The following VPS13C variants were observed in gnomAD, a reference collection of about 807,000 sequenced individuals.
The protein encoded by VPS13C is intermembrane lipid transfer protein VPS13C.
In VPS13C, 358 loss-of-function variants were observed where a neutral mutation model predicts 456.8. The ratio of observed to expected loss-of-function variants is 0.78; its 90% CI spans 0.72 to 0.86. The LOEUF (loss-of-function observed/expected upper bound fraction) is 0.86, where lower values mean the gene tolerates loss of function less well. VPS13C is among the 40% of genes least tolerant of loss of function. The pLI, the probability that VPS13C is intolerant of heterozygous loss-of-function variation, is 0.00. For missense variants in VPS13C, 4,818 were observed against 4,385.4 expected (o/e 1.10, Z -2.79); for synonymous variants, 1,578 against 1,486.7 (o/e 1.06, Z -1.41).
intron 53 of VPS13C, among the ~76,000 whole-genome samples, chr15:61,923,529 G>A (rs2043731775): frequency 6.6e-6 from 1 of 151,870 alleles, no homozygotes; most frequent in Admixed American, 6.6e-5. Context: ...TATCCCACAA[G>A]ATAAAATTGA....
At chr15:62,012,203 C>A in intron 11 of VPS13C, 39 bp from the exon 12 acceptor site, 2 of 1,119,236 alleles carry the variant, frequency 1.8e-6, no homozygotes, top group Non-Finnish European at 2.7e-6. Context: ...AAAGAAAATG[C>A]ACACATATTC....
intron 76 of VPS13C, among the ~76,000 whole-genome samples, chr15:61,875,382 G>A (rs1188557895): frequency 6.6e-6 from 1 of 151,928 alleles, no homozygotes. Context: ...TAAATGGAGG[G>A]GAATAGGTTA....
chr15:61,956,028 C>A (rs1449532561), intron 37 of VPS13C, among the ~76,000 whole-genome samples: 1 of 152,088 alleles, frequency 6.6e-6, no homozygotes, highest in Non-Finnish European at 1.5e-5. Context: ...ATGCCCTCAC[C>A]TATTCATCAC....
In VPS13C at chr15:61,877,043, T is replaced by C; in HGVS notation, c.10154A>G (p.Tyr3385Cys). Residue 3385 changes from tyrosine (Y) to cysteine (C), a missense_variant, in exon 75 of 85, where the codon TAT becomes TGT. Coordinates refer to ENST00000644861, the MANE Select transcript of VPS13C (RefSeq NM_020821.3). ...CTTGTAGAACTGATATCGAATTTCA[T>C]AATAAGCAAGTCTGGGAGGAGAAAA... ...VDDLIFKLAY[Y>C]EIRYQFYKRD... The C allele has an allele frequency of 6.2e-7, 1 of 1,606,888 alleles. No homozygotes were observed.
At chr15:62,045,986 GA>G (rs895079707) in intron 1 of VPS13C, among the ~76,000 whole-genome samples, 2 of 151,842 alleles carry the variant, frequency 1.3e-5, no homozygotes, top group African/African-American at 4.8e-5. Context: ...CACATACATA[GA>G]AAAAAATAAA....
At chr15:61,959,689 T>TA in intron 35 of VPS13C, 94 bp from the exon 36 acceptor site, 2 of 1,249,728 alleles carry the variant, frequency 1.6e-6, no homozygotes, top group South Asian at 3.1e-5. Flanking sequence ...TTTGCTGCTC[T>TA]AAATACTGAT....
rs532969922 is a variant in VPS13C at position 61,903,901 on chromosome 15, T to C, written c.9105+3363A>G. Among the ~76,000 whole-genome samples the C allele has an allele frequency of 2.6e-5, 4 of 152,228 alleles. No individual in the cohort carries two copies. In the East Asian group the frequency reaches 7.7e-4, roughly 29 times the overall value. ...GGAAAAAGACAGTGTCTTCAACAAA[T>C]GGTGCTGGGAAAACTGGATAACCAT... On this transcript the variant is annotated intron_variant, in intron 66 of 84. Transcript: ENST00000644861.
chr15:61,875,387 A>T (rs1253788241), intron 76 of VPS13C, among the ~76,000 whole-genome samples: 1 of 152,012 alleles, frequency 6.6e-6, no homozygotes, highest in African/African-American at 2.4e-5. Context: ...GGAGGGGAAT[A>T]GGTTAGATGA....
At chr15:61,922,058 A>G (rs546181935) in intron 54 of VPS13C, 25 bp from the exon 55 acceptor site, 13 of 1,606,986 alleles carry the variant, frequency 8.1e-6, no homozygotes, top group Non-Finnish European at 1.0e-5. Flanking sequence ...ACAAAATTAT[A>G]AGACAGTCCT....
At chr15:61,962,570 C>T (rs753187956) in intron 33 of VPS13C, 32 bp from the exon 34 acceptor site, 19 of 1,571,496 alleles carry the variant, frequency 1.2e-5, no homozygotes, top group Middle Eastern at 1.7e-4. Flanking sequence ...GTACTCTATC[C>T]GGGAAGGTAA....
intron 45 of VPS13C, among the ~76,000 whole-genome samples, chr15:61,943,224 T>C (rs772843805): frequency 6.6e-6 from 1 of 152,176 alleles, no homozygotes; most frequent in Non-Finnish European, 1.5e-5. Context: ...ATGTTATTCC[T>C]ATCAAATGAC....
At chr15:61,965,900 A>G (rs2045360982) in intron 30 of VPS13C, among the ~76,000 whole-genome samples, 183 bp downstream of exon 30, 1 of 151,896 alleles carries the variant, frequency 6.6e-6, no homozygotes, top group Non-Finnish European at 1.5e-5. Context: ...ATATAACAAA[A>G]CAGCTTTACT....
intron 1 of VPS13C, among the ~76,000 whole-genome samples, chr15:62,057,504 G>C (rs894100351): frequency 6.6e-6 from 1 of 152,152 alleles, no homozygotes; most frequent in Admixed American, 6.5e-5. Context: ...ATAAAAGCTC[G>C]TGACTTCTAG....
chr15:61,886,143 C>G (rs1242720136), intron 67 of VPS13C, among the ~76,000 whole-genome samples: 1 of 152,138 alleles, frequency 6.6e-6, no homozygotes, highest in Non-Finnish European at 1.5e-5. Flanking sequence ...TGGTAAAAGA[C>G]TTTCCTGGCT....
At chr15:61,877,667 C>T (rs940866721) in intron 74 of VPS13C, among the ~76,000 whole-genome samples, 2 of 151,772 alleles carry the variant, frequency 1.3e-5, no homozygotes, top group East Asian at 1.9e-4. Context: ...AGGCTCCTAA[C>T]AAATGCAGTT....
In VPS13C at chr15:61,984,786, T is replaced by A. The variant is rs973071382; in HGVS notation, c.1721+71A>T. On this transcript the variant is annotated intron_variant, in intron 19 of 84. Coordinates refer to ENST00000644861, the MANE Select transcript of VPS13C (RefSeq NM_020821.3). ...AGCTGGCACTAATCATTTTTAAACC[T>A]GAATAACACACATTTTTTGCCTAAA... 137 of 1,474,814 alleles carry A rather than the reference T, an allele frequency of 9.3e-5. 1 individual carries two copies. In the African/African-American group the frequency reaches 1.8e-3, roughly 20 times the overall value. 91.4% of individuals were successfully genotyped at this position (1,474,814 alleles called of 1,614,324 possible).
chr15:61,917,824 G>T (rs377055403), intron 59 of VPS13C, among the ~76,000 whole-genome samples, 189 bp from the exon 60 acceptor site: 1 of 152,010 alleles, frequency 6.6e-6, no homozygotes, highest in East Asian at 1.9e-4. Flanking sequence ...CTAACTTACG[G>T]AGGACTTTCT....
chr15:61,867,295 T>C lies in VPS13C; in HGVS notation c.10863+1364A>G. The stretch of plus-strand genomic sequence containing the variant: ...AAATGTATATAACATAATTATAAAA[T>C]GGCTATCATTTATTTAGCAACAGTA... On this transcript the variant is annotated intron_variant, in intron 81 of 84. Coordinates refer to ENST00000644861, the MANE Select transcript of VPS13C (RefSeq NM_020821.3). The surrounding 1 kb of genome is among the most constrained non-coding windows in gnomAD (Gnocchi z 5.0). 2 of 984,748 alleles carry C rather than the reference T, an allele frequency of 2.0e-6. No individual in the cohort carries two copies. The highest frequency in any genetic ancestry group is 1.2e-6 in the Non-Finnish European group (1 of 829,374). 61.0% of individuals were successfully genotyped at this position (984,748 alleles called of 1,614,324 possible). A position where few individuals can be genotyped will look rare whatever the true frequency, so the allele number is the denominator to read the frequency against.
rs1484154274 is a variant in VPS13C, at chr15:61,909,104, C to T, written c.8866G>A (p.Val2956Ile). Residue 2956 changes from valine (V) to isoleucine (I), a missense_variant, in exon 65 of 85, where the codon GTA (valine) becomes ATA (isoleucine). This residue lies in a region of VPS13C where 4,552 missense variants were observed against 4,130.6 expected (regional missense o/e 1.10). Transcript: ENST00000644861. Reference protein sequence around the residue: ...EDLNGGILVDVNTAEHSTVIT... With the variant: ...EDLNGGILVDINTAEHSTVIT... Reference sequence around the variant, plus strand: ...ACAGTTGAATGTTCGGCAGTGTTTACATCCACCAAGATACCCCCATTCTAT... The same window carrying T: ...ACAGTTGAATGTTCGGCAGTGTTTATATCCACCAAGATACCCCCATTCTAT... 4 of 1,612,984 alleles carry T rather than the reference C, an allele frequency of 2.5e-6. No individual in the cohort carries two copies. The highest frequency in any genetic ancestry group is 3.4e-6 in the Non-Finnish European group (4 of 1,179,750).
Sources: gnomAD v4.1 joint callset for allele counts (sites outside exome capture counted in the v4.1 genomes callset) on GRCh38, gnomAD v4.1.1 for gene constraint, gnomAD v4.1.1 regional missense constraint, Gnocchi (gnomAD v3.1) non-coding constraint, MANE v1.5 for transcripts, NCBI Gene and HGNC (gene_info 2026-07-23, HGNC 2026-07-21) for gene names.